Variants in MBNL1 observed in about 807,000 individuals in gnomAD.
The protein encoded by MBNL1 is muscleblind-like protein 1.
A neutral mutation model predicts 42.2 loss-of-function variants in MBNL1; 8 were observed. That is an observed-to-expected ratio of 0.19 (90% CI 0.11 to 0.34). MBNL1 has a LOEUF of 0.34. Among genes scored for constraint, MBNL1 ranks in the 10% least tolerant of loss-of-function variants. The pLI is 1.00. For missense variants in MBNL1, 309 were observed against 495.3 expected (o/e 0.62, Z 3.57); for synonymous variants, 169 against 173.9 (o/e 0.97, Z 0.22).
At chr3:152,455,483 A>T in intron 6 of MBNL1, 59 bp from the exon 7 acceptor site, 2 of 1,335,544 alleles carry the variant, frequency 1.5e-6, no homozygotes, top group Non-Finnish European at 1.1e-6. Context: ...GTGTGATGGG[A>T]TGTTTTAATT....
chr3:152,302,198 GATTTTAAATGT>G (rs2060990628), intron 2 of MBNL1: 1 of 152,038 alleles, frequency 6.6e-6, no homozygotes, highest in South Asian at 2.1e-4. Context: ...ATAATTTCAA[GATTTTAAATGT>G]ATTTATGAAA....
At chr3:152,281,102 G>T (rs780740097) in intron 1 of MBNL1, among the ~76,000 whole-genome samples, 1 of 152,016 alleles carries the variant, frequency 6.6e-6, no homozygotes, top group African/African-American at 2.4e-5. Flanking sequence ...TACTTTCTTC[G>T]TAGGAACTTA....
chr3:152,301,986 A>G (rs1051388709), intron 2 of MBNL1: 1 of 152,254 alleles, frequency 6.6e-6, no homozygotes, highest in African/African-American at 2.4e-5. Context: ...TTGAGTGGTT[A>G]CACAGAAGAC....
chr3:152,381,634 T>C (rs1030951271), intron 2 of MBNL1, among the ~76,000 whole-genome samples: 9 of 152,078 alleles, frequency 5.9e-5, no homozygotes, highest in Non-Finnish European at 5.9e-5. Context: ...TTTATATTTC[T>C]ATATTCATAT....
At chr3:152,442,891 C>T (rs1032746953) in intron 4 of MBNL1, among the ~76,000 whole-genome samples, 1 of 152,056 alleles carries the variant, frequency 6.6e-6, no homozygotes, top group African/African-American at 2.4e-5. Context: ...TATTTTTTCA[C>T]AAGCAAGAAT....
chr3:152,319,771 A>G (rs922309666), intron 2 of MBNL1, among the ~76,000 whole-genome samples: 1 of 152,050 alleles, frequency 6.6e-6, no homozygotes, highest in Non-Finnish European at 1.5e-5. Context: ...TAAATTCTAT[A>G]TGGCCAATTG....
At chr3:152,376,947 C>T (rs1233676620) in intron 2 of MBNL1, among the ~76,000 whole-genome samples, 2 of 152,054 alleles carry the variant, frequency 1.3e-5, no homozygotes, top group Non-Finnish European at 2.9e-5. Flanking sequence ...CCCTTTTGTT[C>T]CCTTTTCCCC....
At chr3:152,395,253 A>G (rs776132582) in intron 2 of MBNL1, among the ~76,000 whole-genome samples, 1 of 152,226 alleles carries the variant, frequency 6.6e-6, no homozygotes, top group Non-Finnish European at 1.5e-5. Context: ...AAAGTTTAAG[A>G]TTTTGTAGCA....
intron 1 of MBNL1, among the ~76,000 whole-genome samples, chr3:152,289,271 T>C (rs946296907): frequency 6.6e-6 from 1 of 152,130 alleles, no homozygotes; most frequent in Non-Finnish European, 1.5e-5. Flanking sequence ...AGTGGAGTAA[T>C]ATATAATTGT....
At chr3:152,372,280 C>T (rs979724882) in intron 2 of MBNL1, among the ~76,000 whole-genome samples, 1 of 152,172 alleles carries the variant, frequency 6.6e-6, no homozygotes, top group African/African-American at 2.4e-5. Flanking sequence ...TACCCACCTT[C>T]CGAAGCCTAC....
intron 2 of MBNL1, among the ~76,000 whole-genome samples, chr3:152,382,309 A>G (rs1406254841): frequency 6.6e-6 from 1 of 152,088 alleles, no homozygotes; most frequent in Non-Finnish European, 1.5e-5. Flanking sequence ...GTAATGTAAA[A>G]TAATAAATAT....
At chr3:152,405,832 G>T (rs1246542435) in intron 2 of MBNL1, among the ~76,000 whole-genome samples, 1 of 152,150 alleles carries the variant, frequency 6.6e-6, no homozygotes, top group African/African-American at 2.4e-5. Flanking sequence ...CATTTATTAT[G>T]TAAATGTTAG....
chr3:152,295,324 C>T (rs577651124), intron 1 of MBNL1, among the ~76,000 whole-genome samples: 12 of 152,218 alleles, frequency 7.9e-5, no homozygotes, highest in Non-Finnish European at 1.6e-4. Context: ...GAAAAATAAT[C>T]AACTCTAGAA....
At chr3:152,398,668 T>G (rs2098089444) in intron 2 of MBNL1, among the ~76,000 whole-genome samples, 1 of 152,182 alleles carries the variant, frequency 6.6e-6, no homozygotes, top group Admixed American at 6.5e-5. Flanking sequence ...CTTAGCCACT[T>G]CAAGCCCTCT....
At chr3:152,386,579 A>T (rs1421119653) in intron 2 of MBNL1, among the ~76,000 whole-genome samples, 1 of 152,092 alleles carries the variant, frequency 6.6e-6, no homozygotes, top group Non-Finnish European at 1.5e-5. Flanking sequence ...GATTTATTTT[A>T]TTAAATAATT....
chr3:152,297,819 C>T (rs1262731130), intron 1 of MBNL1, among the ~76,000 whole-genome samples: 1 of 151,884 alleles, frequency 6.6e-6, no homozygotes, highest in Non-Finnish European at 1.5e-5. Flanking sequence ...CCACGCCCAG[C>T]TAATTTTTGT....
At chr3:152,311,998 G>A (rs1378909384) in intron 2 of MBNL1, among the ~76,000 whole-genome samples, 1 of 151,610 alleles carries the variant, frequency 6.6e-6, no homozygotes, top group African/African-American at 2.4e-5. Context: ...AGACCATCCC[G>A]GCTAAAAACG....
intron 1 of MBNL1, among the ~76,000 whole-genome samples, chr3:152,298,580 A>T (rs1287197736): frequency 2.0e-5 from 3 of 152,214 alleles, no homozygotes; most frequent in Non-Finnish European, 2.9e-5. Context: ...TATTTTCCCC[A>T]CATGACCTCA....
intron 2 of MBNL1, among the ~76,000 whole-genome samples, chr3:152,404,268 C>T (rs1390944765): frequency 1.3e-5 from 2 of 152,056 alleles, no homozygotes; most frequent in Non-Finnish European, 2.9e-5. Context: ...ACATCTGCTA[C>T]AGTTTAGAAA....
Sources: allele counts gnomAD v4.1 joint callset (sites outside exome capture counted in the v4.1 genomes callset), GRCh38; gene constraint gnomAD v4.1.1; transcripts MANE v1.5; gene names NCBI Gene and HGNC (gene_info 2026-07-23, HGNC 2026-07-21).